JAG1: variants seen among roughly 807,000 people sequenced by gnomAD.
The protein encoded by JAG1 is jagged canonical Notch ligand 1, also known as protein jagged-1.
In JAG1, 23 loss-of-function variants were observed where a neutral mutation model predicts 148.7. The observed-to-expected ratio is 0.15, with a 90% CI of 0.11 to 0.22. The LOEUF (loss-of-function observed/expected upper bound fraction) is 0.22. Ranked by LOEUF, JAG1 falls within the 10% of genes least tolerant of loss-of-function variation. The pLI is 1.00. For missense variants in JAG1, 1,054 were observed against 1,611.2 expected, an observed-to-expected ratio of 0.65 and a Z score of 5.92; for synonymous variants, 572 against 598.3, an observed-to-expected ratio of 0.96 and a Z score of 0.64.
At chr20:10,660,969 G>C (rs1048755940) in intron 3 of JAG1, among the ~76,000 whole-genome samples, 13 of 152,188 alleles carry the variant, frequency 8.5e-5, no homozygotes, top group African/African-American at 3.1e-4. Flanking sequence ...CCAAAAACCT[G>C]GAAGGGGGCC....
chr20:10,648,359 C>A (rs762754836), intron 12 of JAG1, among the ~76,000 whole-genome samples, 190 bp downstream of exon 12: 2 of 152,132 alleles, frequency 1.3e-5, no homozygotes, highest in South Asian at 4.1e-4. Flanking sequence ...GACGAAGACA[C>A]TAAGAAGAAA....
At chr20:10,663,825 C>G in intron 3 of JAG1, 138 bp downstream of exon 3, 1 of 750,382 alleles carries the variant, frequency 1.3e-6, no homozygotes, top group South Asian at 1.4e-5. Context: ...AAGGTTCACC[C>G]TGGGGTACAG....
rs568996129 is a variant in JAG1 at position 10,639,418 on chromosome 20, T to G, written c.*80A>C. ...CAGGGATTCTAAGTCAGCAACGGCC[T>G]CAGACTCGAGTATGACACGACAGTT... On this transcript the variant is annotated 3_prime_UTR_variant, in exon 26 of 26. Coordinates refer to ENST00000254958, the MANE Select transcript of JAG1 (RefSeq NM_000214.3). 3 of 1,291,758 alleles carry G rather than the reference T, an allele frequency of 2.3e-6. No homozygotes were observed. Among genetic ancestry groups the G allele is most frequent in the South Asian group, 1.2e-5 (1 of 84,180 alleles). The allele number at this position is 1,291,758 out of a possible 1,614,324, so 80.0% of individuals were successfully genotyped here. A position where few individuals can be genotyped will look rare whatever the true frequency, so the allele number is the denominator to read the frequency against.
chr20:10,639,238 C>T lies in JAG1; in HGVS notation c.*260G>A, dbSNP rs6077859. The stretch of plus-strand genomic sequence containing the variant: ...GGGGGCTGGGCAGGCTCCTGGGAGC[C>T]TGATCCGAGACCGTGTCGGCTGCAA... On this transcript the variant is annotated 3_prime_UTR_variant, in exon 26 of 26. Coordinates refer to ENST00000254958, the MANE Select transcript of JAG1 (RefSeq NM_000214.3). The T allele has an allele frequency of 1.9e-6, 1 of 514,316 alleles. No individual in the cohort carries two copies. The highest frequency in any genetic ancestry group is 2.0e-5 in the South Asian group (1 of 50,428). 31.9% of individuals were successfully genotyped at this position (514,316 alleles called of 1,614,324 possible).
intron 14 of JAG1, chr20:10,646,394 T>TA: frequency 2.4e-6 from 1 of 409,580 alleles, no homozygotes. Flanking sequence ...CCAACATAGA[T>TA]ATGGAGGCTC....
At chr20:10,669,513 C>T (rs2067480054) in intron 2 of JAG1, among the ~76,000 whole-genome samples, 1 of 119,100 alleles carries the variant, frequency 8.4e-6, no homozygotes, top group Non-Finnish European at 1.6e-5. Flanking sequence ...GCTGGCATCC[C>T]TCACACAGAA....
intron 18 of JAG1, 158 bp downstream of exon 18, chr20:10,644,705 C>A: frequency 1.4e-6 from 1 of 707,418 alleles, no homozygotes; most frequent in South Asian, 1.6e-5. Context: ...TTCTCATGCC[C>A]AGGTCAGGGC....
chr20:10,673,875 C>T lies in JAG1; in HGVS notation c.-345G>A, dbSNP rs1190137420. 3.8e-5 allele frequency: 6 copies of T among 158,610 alleles called. No individual in the cohort carries two copies. Among genetic ancestry groups the T allele is most frequent in the African/African-American group, 1.4e-4 (6 of 41,506 alleles). 9.8% of individuals were successfully genotyped at this position (158,610 alleles called of 1,614,324 possible). A position where few individuals can be genotyped will look rare whatever the true frequency, so the allele number is the denominator to read the frequency against. ...AGCCTTTTATTCCCTTTTAGATCAGCTGCATGGAAAAAGGGGGGAGGGAGG... is the reference window on the plus strand; with the variant it reads ...AGCCTTTTATTCCCTTTTAGATCAGTTGCATGGAAAAAGGGGGGAGGGAGG... On this transcript the variant is annotated 5_prime_UTR_variant, in exon 1 of 26. Transcript: ENST00000254958. This position sits in a 1 kb window ranked among gnomAD's most constrained non-coding sequence, Gnocchi z 4.7.
intron 2 of JAG1, among the ~76,000 whole-genome samples, chr20:10,666,128 T>C (rs981907772): frequency 5.9e-5 from 9 of 152,102 alleles, no homozygotes; most frequent in Non-Finnish European, 1.3e-4. Context: ...GGGAGGGGAT[T>C]AGGGTCTCCT....
At position 10,673,373 on chromosome 20, in the gene JAG1, G is replaced by T. The variant is rs939428191; in HGVS notation, c.81+77C>A. ...CGCTCGAGGGCTGCCGAGCCTGCTC[G>T]CGGGGCTCAACCGCCCAGGGCGCCG... On this transcript the variant is annotated intron_variant, in intron 1 of 25. Transcript: ENST00000254958. The surrounding 1 kb of genome is among the most constrained non-coding windows in gnomAD (Gnocchi z 4.7). 3.1e-5 allele frequency: 34 copies of T among 1,111,286 alleles called. No homozygotes were observed. The African/African-American group carries it at 4.9e-4, about 16-fold the overall frequency. The allele number at this position is 1,111,286 out of a possible 1,614,324, so 68.8% of individuals were successfully genotyped here. A position where few individuals can be genotyped will look rare whatever the true frequency, so the allele number is the denominator to read the frequency against.
rs777212071 is a variant in JAG1 at position 10,645,106 on chromosome 20, A to G, written c.2227+37T>C. 1 of 1,563,914 alleles carries G rather than the reference A, an allele frequency of 6.4e-7. No homozygotes were observed. Among genetic ancestry groups the G allele is most frequent in the Non-Finnish European group, 8.8e-7 (1 of 1,134,230 alleles). On this transcript the variant is annotated intron_variant, in intron 17 of 25. Transcript: ENST00000254958. This position sits in a 1 kb window ranked among gnomAD's most constrained non-coding sequence, Gnocchi z 6.1. ...AACCAGCAGACACGCCCAGGTGGCC[A>G]TGCCCACTGCAGATCCCACGTGGGG...
chr20:10,655,033 T>G (rs1245040304), intron 5 of JAG1, among the ~76,000 whole-genome samples: 1 of 152,216 alleles, frequency 6.6e-6, no homozygotes, highest in Admixed American at 6.5e-5. Flanking sequence ...GCAATGCTGT[T>G]AAATACTACA....
chr20:10,646,529 A>C (rs73075345), intron 14 of JAG1, among the ~76,000 whole-genome samples: 1 of 151,988 alleles, frequency 6.6e-6, no homozygotes, highest in African/African-American at 2.4e-5. Flanking sequence ...ACTGCTGGGC[A>C]TGGTGGCTCA....
At position 10,651,497 on chromosome 20, in the gene JAG1, T is replaced by G. The variant is rs1337512493; in HGVS notation, c.1120+84A>C. ...CCCTCTCTCACCGAGACATTCACAC[T>G]GGACAAGCCTAGGTACCTCTCCCCA... On this transcript the variant is annotated intron_variant, in intron 8 of 25. Coordinates refer to ENST00000254958, the MANE Select transcript of JAG1 (RefSeq NM_000214.3). 3.1e-5 allele frequency: 27 copies of G among 877,232 alleles called. No individual in the cohort carries two copies. The Admixed American group carries it at 4.2e-4, about 14-fold the overall frequency. The allele number at this position is 877,232 out of a possible 1,614,324, so 54.3% of individuals were successfully genotyped here.
chr20:10,661,514 C>T (rs1568802298), intron 3 of JAG1, among the ~76,000 whole-genome samples: 2 of 152,156 alleles, frequency 1.3e-5, no homozygotes, highest in East Asian at 1.9e-4. Flanking sequence ...AGGAAGGCAA[C>T]TGCTAGGGTA....
rs1039951351 is a variant in JAG1 at position 10,639,273 on chromosome 20, C to T, written c.*225G>A. On this transcript the variant is annotated 3_prime_UTR_variant, in exon 26 of 26. Transcript: ENST00000254958. ...ACCGTGTCGGCTGCAAGGGGACACA[C>T]AACCAGGGTACTGTTGACTAGCTTT... 1 of 601,694 alleles carries T rather than the reference C, an allele frequency of 1.7e-6. No individual in the cohort carries two copies. 37.3% of individuals were successfully genotyped at this position (601,694 alleles called of 1,614,324 possible). A position where few individuals can be genotyped will look rare whatever the true frequency, so the allele number is the denominator to read the frequency against.
chr20:10,639,554 C>A lies in JAG1; in HGVS notation c.3601G>T (p.Asp1201Tyr). 6.2e-7 allele frequency: 1 copy of A among 1,614,176 alleles called. No individual in the cohort carries two copies. The highest frequency in any genetic ancestry group is 8.5e-7 in the Non-Finnish European group (1 of 1,180,036). Residue 1201 changes from aspartate to tyrosine, a missense_variant, in exon 26 of 26, where the codon GAC becomes TAC. Asp to Tyr is a radical substitution (Grantham distance 160). Transcript: ENST00000254958. ...TKHPNWTNKQ[D>Y]NRDLESAQSL... ...TGGGCACTTTCCAAGTCTCTGTTGT[C>A]CTGTTTGTTTGTCCAGTTTGGGTGT...
chr20:10,639,899 C>A lies in JAG1; in HGVS notation c.3256G>T (p.Val1086Leu). 1.2e-6 allele frequency: 2 copies of A among 1,614,188 alleles called. No individual in the cohort carries two copies. Among genetic ancestry groups the A allele is most frequent in the Non-Finnish European group, 1.7e-6 (2 of 1,180,034 alleles). ...CGCAGGCACCAGTAGAAGGCCGTCA[C>A]CAAGCAACAGATCCAAGCCACAGTT... The part of the protein sequence containing the change: ...VLTVAWICCL[V>L]TAFYWCLRKR... Residue 1086 changes from valine to leucine, a missense_variant, in exon 26 of 26, where the codon GTG becomes TTG. Transcript: ENST00000254958.
At chr20:10,659,243 C>T (rs1459638108) in intron 3 of JAG1, among the ~76,000 whole-genome samples, 2 of 152,278 alleles carry the variant, frequency 1.3e-5, no homozygotes, top group African/African-American at 2.4e-5. Context: ...AAAGAGGTAT[C>T]TCATTTAATT....
Sources: allele counts gnomAD v4.1 joint callset (sites outside exome capture counted in the v4.1 genomes callset), GRCh38; gene constraint gnomAD v4.1.1; non-coding constraint Gnocchi (gnomAD v3.1); transcripts MANE v1.5; gene names NCBI Gene and HGNC (gene_info 2026-07-23, HGNC 2026-07-21).